The following RASGRF2 variants were observed in gnomAD, a reference collection of about 807,000 sequenced individuals.
RASGRF2 encodes ras-specific guanine nucleotide-releasing factor 2.
RASGRF2 carries 76 observed loss-of-function variants against 151.0 expected under a neutral mutation model. The ratio of observed to expected loss-of-function variants is 0.50; its 90% CI spans 0.42 to 0.61. The LOEUF (loss-of-function observed/expected upper bound fraction) is 0.61, where lower values mean the gene tolerates loss of function less well. Ranked by LOEUF, RASGRF2 falls within the 20% of genes least tolerant of loss-of-function variation. The pLI is 0.00. For synonymous variants in RASGRF2, 504 were observed against 566.5 expected (o/e 0.89, Z 1.57); for missense variants, 1,148 against 1,564.6 (o/e 0.73, Z 4.49).
At chr5:81,100,841 G>A (rs555806998) in intron 12 of RASGRF2, among the ~76,000 whole-genome samples, 14 of 152,250 alleles carry the variant, frequency 9.2e-5, no homozygotes, top group African/African-American at 2.9e-4. Flanking sequence ...ACATAAAAAG[G>A]TGAATTAAAA....
chr5:81,185,244 A>G (rs1408148000), intron 18 of RASGRF2, among the ~76,000 whole-genome samples: 1 of 152,180 alleles, frequency 6.6e-6, no homozygotes, highest in African/African-American at 2.4e-5. Context: ...TTCTAGCCAC[A>G]TGGGAAATGC....
At chr5:81,106,145 CT>C (rs1250816855) in intron 12 of RASGRF2, among the ~76,000 whole-genome samples, 9 of 152,182 alleles carry the variant, frequency 5.9e-5, no homozygotes, top group African/African-American at 2.2e-4. Context: ...TGTTTTTTTC[CT>C]TTTAAATATA....
At chr5:81,127,333 G>A (rs1320950068) in intron 17 of RASGRF2, among the ~76,000 whole-genome samples, 170 bp downstream of exon 17, 1 of 152,130 alleles carries the variant, frequency 6.6e-6, no homozygotes, top group Non-Finnish European at 1.5e-5. Flanking sequence ...AGACTAGCCA[G>A]GGCAACATAG....
chr5:81,062,016 A>AAAAC lies in RASGRF2; in HGVS notation c.396-6013_396-6012insCAAA, dbSNP rs1554090621. On this transcript the variant is annotated intron_variant, in intron 2 of 26. Coordinates refer to ENST00000265080, the MANE Select transcript of RASGRF2 (RefSeq NM_006909.3). ...AGCTGACAAAAAAAAAAAAAAAAAA[A>AAAAC]AAAAAAAACTGTAGAGATGAGATCT... is the stretch of plus-strand genomic sequence containing the variant. Among the ~76,000 whole-genome samples the AAAAC allele has an allele frequency of 2.5e-4, 31 of 126,328 alleles. 2 individuals are homozygous for AAAAC. The highest frequency in any genetic ancestry group is 4.7e-4 in the African/African-American group (16 of 34,030). 82.9% of individuals were successfully genotyped at this position (126,328 alleles called of 152,430 possible).
chr5:80,970,492 C>T (rs1011992219), intron 1 of RASGRF2, among the ~76,000 whole-genome samples: 2 of 152,160 alleles, frequency 1.3e-5, no homozygotes, highest in Non-Finnish European at 2.9e-5. Context: ...GCTGGCCAAC[C>T]TTTCAGTGTG....
intron 1 of RASGRF2, among the ~76,000 whole-genome samples, chr5:81,028,027 T>C (rs1057513646): frequency 6.6e-6 from 1 of 152,002 alleles, no homozygotes; most frequent in Non-Finnish European, 1.5e-5. Context: ...AACATCACCA[T>C]GGAGTGGGGG....
At chr5:81,090,368 G>A (rs1752356062) in intron 9 of RASGRF2, among the ~76,000 whole-genome samples, 1 of 152,150 alleles carries the variant, frequency 6.6e-6, no homozygotes, top group South Asian at 2.1e-4. Context: ...AGGATGCAAA[G>A]AATCATGCTA....
intron 18 of RASGRF2, among the ~76,000 whole-genome samples, chr5:81,186,388 AT>A (rs952245478): frequency 7.9e-5 from 12 of 152,086 alleles, no homozygotes; most frequent in African/African-American, 2.7e-4. Context: ...TATTGTTCCC[AT>A]TGACATTATG....
At chr5:81,026,279 C>T (rs755229879) in intron 1 of RASGRF2, among the ~76,000 whole-genome samples, 13 of 150,668 alleles carry the variant, frequency 8.6e-5, no homozygotes, top group Non-Finnish European at 1.6e-4. Flanking sequence ...CCTCTCAGGC[C>T]TCTGTTCTTT....
At chr5:81,130,582 T>A (rs1753589867) in intron 17 of RASGRF2, among the ~76,000 whole-genome samples, 1 of 152,052 alleles carries the variant, frequency 6.6e-6, no homozygotes, top group Non-Finnish European at 1.5e-5. Flanking sequence ...AATCTGGATT[T>A]ATTGGCTAGC....
intron 3 of RASGRF2, 103 bp downstream of exon 3, chr5:81,068,282 A>G: frequency 7.5e-7 from 1 of 1,331,130 alleles, no homozygotes; most frequent in Non-Finnish European, 1.0e-6. Flanking sequence ...TCCCAGGCTG[A>G]CTTCCTCTGA....
At chr5:81,111,143 C>T (rs531006271) in intron 13 of RASGRF2, among the ~76,000 whole-genome samples, 1 of 152,342 alleles carries the variant, frequency 6.6e-6, no homozygotes, top group East Asian at 1.9e-4. Context: ...TAAAGGCATT[C>T]ACAACTGATT....
rs558478626 is a variant in RASGRF2 at position 81,036,908 on chromosome 5, A to G, written c.289-5969A>G. Among the ~76,000 whole-genome samples, 7 of 152,346 alleles carry G rather than the reference A, an allele frequency of 4.6e-5. No homozygotes were observed. In the East Asian group the frequency reaches 9.6e-4, roughly 21 times the overall value. ...AAGGGATTTGTATTAGTTCGTTCTC[A>G]TGCTGCTAATAAAGACATACCTGAG... is the stretch of plus-strand genomic sequence containing the variant. On this transcript the variant is annotated intron_variant, in intron 1 of 26. Coordinates refer to ENST00000265080, the MANE Select transcript of RASGRF2 (RefSeq NM_006909.3).
Position 81,106,415 on chromosome 5 carries a change from A to C in RASGRF2, c.1756-2581A>C, listed in dbSNP as rs948170842. ...CCCTCGTTTCCATTGAACGAATACC[A>C]CCATGAGGTCAGTTTAGATCTTTCA... On this transcript the variant is annotated intron_variant, in intron 12 of 26. Transcript: ENST00000265080. Among the ~76,000 whole-genome samples, 5 of 152,006 alleles carry C rather than the reference A, an allele frequency of 3.3e-5. No individual in the cohort carries two copies. In the East Asian group the frequency reaches 9.6e-4, roughly 29 times the overall value.
In RASGRF2 at chr5:80,965,342, T is replaced by C. The variant is rs138403766; in HGVS notation, c.288+4316T>C. Among the ~76,000 whole-genome samples the C allele has an allele frequency of 6.2e-3, 941 of 152,276 alleles. 11 individuals are homozygous for C. Among genetic ancestry groups the C allele is most frequent in the African/African-American group, 0.021 (891 of 41,560 alleles). ...ACACAAAGGGAAAATGGAATAATGA[T>C]ATTTGCTAAATCTTATACAATGTTA... is the stretch of plus-strand genomic sequence containing the variant. On this transcript the variant is annotated intron_variant, in intron 1 of 26. Coordinates refer to ENST00000265080, the MANE Select transcript of RASGRF2 (RefSeq NM_006909.3).
intron 1 of RASGRF2, among the ~76,000 whole-genome samples, chr5:81,022,612 C>T (rs1034676698): frequency 3.9e-5 from 6 of 152,172 alleles, no homozygotes; most frequent in East Asian, 1.9e-4. Context: ...AGCTGTACCA[C>T]GTGTGTCCCT....
At chr5:81,007,846 C>T (rs1161753817) in intron 1 of RASGRF2, among the ~76,000 whole-genome samples, 1 of 151,986 alleles carries the variant, frequency 6.6e-6, no homozygotes, top group Non-Finnish European at 1.5e-5. Flanking sequence ...GCAAGCAGAT[C>T]CGATGCAGCT....
At chr5:81,179,394 C>T (rs901656426) in intron 17 of RASGRF2, among the ~76,000 whole-genome samples, 33 of 152,162 alleles carry the variant, frequency 2.2e-4, no homozygotes, top group African/African-American at 7.7e-4. Flanking sequence ...TGTGGGAAAC[C>T]GGTCACCAGA....
intron 18 of RASGRF2, among the ~76,000 whole-genome samples, chr5:81,199,890 T>G (rs1412872569): frequency 1.1e-5 from 1 of 94,182 alleles, no homozygotes; most frequent in Admixed American, 1.3e-4. Flanking sequence ...AGAGTGAGAC[T>G]CCATCTCAAA....
Sources: gnomAD v4.1 joint callset for allele counts (sites outside exome capture counted in the v4.1 genomes callset) on GRCh38, gnomAD v4.1.1 for gene constraint, MANE v1.5 for transcripts, NCBI Gene and HGNC (gene_info 2026-07-23, HGNC 2026-07-21) for gene names.